Variants in LDLRAP1 observed in about 807,000 individuals in gnomAD.
LDLRAP1 encodes the protein low density lipoprotein receptor adapter protein 1.
LDLRAP1 carries 30 observed loss-of-function variants against 37.8 expected under a neutral mutation model. The ratio of observed to expected loss-of-function variants is 0.79; its 90% confidence interval spans 0.59 to 1.08. The LOEUF (loss-of-function observed/expected upper bound fraction) is 1.08, where lower values mean the gene tolerates loss of function less well. LDLRAP1 is among the 50% of genes least tolerant of loss of function. LDLRAP1 has a pLI of 0.00. For missense variants in LDLRAP1, 375 were observed against 401.6 expected (o/e 0.93, Z 0.57); for synonymous variants, 156 against 169.8 (o/e 0.92, Z 0.63).
At chr1:25,566,709 T>G in intron 8 of LDLRAP1, 139 bp from the exon 9 acceptor site, 5 of 1,019,462 alleles carry the variant, frequency 4.9e-6, no homozygotes, top group Non-Finnish European at 7.3e-6. Context: ...TGATCTGAGG[T>G]TACTCCACCT....
chr1:25,579,408 AG>A, the LDLRAP1 span, among the ~76,000 whole-genome samples: 1 of 152,228 alleles, frequency 6.6e-6, no homozygotes, highest in Non-Finnish European at 1.5e-5. Flanking sequence ...AGGAACTGAT[AG>A]GATTTAGGCA....
At chr1:25,586,425 T>C in the LDLRAP1 span, among the ~76,000 whole-genome samples, 4 of 152,124 alleles carry the variant, frequency 2.6e-5, no homozygotes, top group Non-Finnish European at 5.9e-5. This position sits in a 1 kb window ranked among gnomAD's most constrained non-coding sequence, Gnocchi z 4.3. Context: ...GACACCAGCG[T>C]CCATCAGGGC....
At chr1:25,574,065 G>C in the LDLRAP1 span, among the ~76,000 whole-genome samples, 9 of 152,246 alleles carry the variant, frequency 5.9e-5, no homozygotes, top group Admixed American at 3.9e-4. Flanking sequence ...CTGCACCTGG[G>C]GTGGTCAGAG....
At chr1:25,586,902 C>G in the LDLRAP1 span, among the ~76,000 whole-genome samples, 2 of 152,154 alleles carry the variant, frequency 1.3e-5, no homozygotes, top group African/African-American at 4.8e-5. This position sits in a 1 kb window ranked among gnomAD's most constrained non-coding sequence, Gnocchi z 4.3. Flanking sequence ...TGAGCATGAC[C>G]CCAGCTCCAT....
At position 25,554,501 on chromosome 1, in the gene LDLRAP1, T is replaced by C. The variant is rs1572034775; in HGVS notation, c.232-359T>C. ...GCCTCAGACCCCTCAGCTCAATGGA[T>C]GGAGCAGAGTACTCAGGAGTCATCC... is the stretch of plus-strand genomic sequence containing the variant. On this transcript the variant is annotated intron_variant, in intron 2 of 8. Coordinates refer to ENST00000374338, the MANE Select transcript of LDLRAP1 (RefSeq NM_015627.3). The surrounding 1 kb of genome is among the most constrained non-coding windows in gnomAD (Gnocchi z 5.4). Among the ~76,000 whole-genome samples the C allele has an allele frequency of 6.6e-6, 1 of 152,340 alleles. No homozygotes were observed. Among genetic ancestry groups the C allele is most frequent in the Admixed American group, 6.5e-5 (1 of 15,308 alleles).
intron 4 of LDLRAP1, 74 bp from the exon 5 acceptor site, chr1:25,562,570 C>T: frequency 1.5e-6 from 2 of 1,297,020 alleles, no homozygotes; most frequent in African/African-American, 1.5e-5. Flanking sequence ...CCTGGAGGCC[C>T]CAGCCCTCCA....
the LDLRAP1 span, among the ~76,000 whole-genome samples, chr1:25,579,829 A>C: frequency 1.3e-5 from 2 of 152,108 alleles, no homozygotes; most frequent in Non-Finnish European, 2.9e-5. Flanking sequence ...CACAGCTGCT[A>C]GATTCTCATC....
chr1:25,550,681 G>A (rs984679193), intron 1 of LDLRAP1, among the ~76,000 whole-genome samples: 11 of 152,126 alleles, frequency 7.2e-5, no homozygotes, highest in African/African-American at 2.7e-4. Flanking sequence ...GACTTGCCAT[G>A]TTACCTTGCA....
the LDLRAP1 span, among the ~76,000 whole-genome samples, chr1:25,588,407 C>T: frequency 1.3e-5 from 2 of 152,212 alleles, no homozygotes; most frequent in African/African-American, 4.8e-5. Flanking sequence ...TATTCCATCT[C>T]CTGAGATAAG....
chr1:25,544,948 G>A lies in LDLRAP1; in HGVS notation c.88+1162G>A, dbSNP rs949375700. Among the ~76,000 whole-genome samples, 35 of 152,182 alleles carry A rather than the reference G, an allele frequency of 2.3e-4. No homozygotes were observed. The highest frequency in any genetic ancestry group is 8.4e-4 in the African/African-American group (35 of 41,448). On this transcript the variant is annotated intron_variant, in intron 1 of 8. Coordinates refer to ENST00000374338, the MANE Select transcript of LDLRAP1 (RefSeq NM_015627.3). This position sits in a 1 kb window ranked among gnomAD's most constrained non-coding sequence, Gnocchi z 4.8. ...CAGCGTGTCTGGGCCTAGAGGGCCC[G>A]CCTCCCTCCTCCTCTGGCCCCACTC...
chr1:25,580,654 G>C, the LDLRAP1 span, among the ~76,000 whole-genome samples: 1 of 152,268 alleles, frequency 6.6e-6, no homozygotes, highest in Non-Finnish European at 1.5e-5. Flanking sequence ...GACCACAAGT[G>C]TGAGCCACCA....
intron 4 of LDLRAP1, among the ~76,000 whole-genome samples, chr1:25,562,307 G>C (rs1215297453): frequency 6.6e-6 from 1 of 152,254 alleles, no homozygotes; most frequent in East Asian, 1.9e-4. Context: ...ATTCAGGGAA[G>C]CCCAAAGGGG....
chr1:25,577,680 C>T, the LDLRAP1 span, among the ~76,000 whole-genome samples: 4 of 152,174 alleles, frequency 2.6e-5, no homozygotes, highest in Non-Finnish European at 4.4e-5. Context: ...AGGCACCTGG[C>T]GGGGACAAGA....
chr1:25,561,212 A>G (rs890055855), intron 4 of LDLRAP1, among the ~76,000 whole-genome samples: 1 of 152,222 alleles, frequency 6.6e-6, no homozygotes, highest in African/African-American at 2.4e-5. Context: ...GCAATTCTCA[A>G]TGGTAACTGG....
intron 1 of LDLRAP1, among the ~76,000 whole-genome samples, chr1:25,546,284 A>G (rs565911278): frequency 6.6e-6 from 1 of 152,306 alleles, no homozygotes; most frequent in Non-Finnish European, 1.5e-5. Flanking sequence ...CCCTGCTCTC[A>G]GTTGTGACCT....
rs2044505190 is a variant in LDLRAP1, at chr1:25,567,094, GCC to G, written c.*104_*105del. 1 of 1,416,550 alleles carries G rather than the reference GCC, an allele frequency of 7.1e-7. No homozygotes were observed. The highest frequency in any genetic ancestry group is 2.3e-5 in the East Asian group (1 of 42,630). 87.7% of individuals were successfully genotyped at this position (1,416,550 alleles called of 1,614,324 possible). A position where few individuals can be genotyped will look rare whatever the true frequency, so the allele number is the denominator to read the frequency against. Reference sequence around the variant, plus strand: ...TGGGGCCCGCCTGCCACCTCTCCCAGCCCTCAGCATTGTCAGCCTGAAGATCA... The same window carrying G: ...TGGGGCCCGCCTGCCACCTCTCCCAGCTCAGCATTGTCAGCCTGAAGATCA... On this transcript the variant is annotated 3_prime_UTR_variant, in exon 9 of 9. Coordinates refer to ENST00000374338, the MANE Select transcript of LDLRAP1 (RefSeq NM_015627.3).
intron 3 of LDLRAP1, among the ~76,000 whole-genome samples, chr1:25,556,046 T>C (rs775765213): frequency 2.6e-5 from 4 of 152,068 alleles, no homozygotes; most frequent in African/African-American, 4.8e-5. Context: ...CAGTAACATT[T>C]AGAGCAGGAA....
intron 1 of LDLRAP1, among the ~76,000 whole-genome samples, chr1:25,550,787 C>T (rs898117070): frequency 9.9e-5 from 15 of 152,062 alleles, no homozygotes; most frequent in African/African-American, 3.1e-4. Context: ...TCTGTAAGGA[C>T]GTGGTTAGAG....
At position 25,563,004 on chromosome 1, in the gene LDLRAP1, C is replaced by T. The variant is rs777559161; in HGVS notation, c.533-66C>T. The T allele has an allele frequency of 4.8e-6, 7 of 1,465,372 alleles. No homozygotes were observed. In the South Asian group the frequency reaches 8.0e-5, roughly 17 times the overall value. 90.8% of individuals were successfully genotyped at this position (1,465,372 alleles called of 1,614,324 possible). A position where few individuals can be genotyped will look rare whatever the true frequency, so the allele number is the denominator to read the frequency against. On this transcript the variant is annotated intron_variant, in intron 5 of 8. Coordinates refer to ENST00000374338, the MANE Select transcript of LDLRAP1 (RefSeq NM_015627.3). ...GTTGGCCACCGCTAATCACCCCTGC[C>T]CGGTGATTGCTGGGGACAGAGTGCT...
Sources: gnomAD v4.1 joint callset for allele counts (sites outside exome capture counted in the v4.1 genomes callset) on GRCh38, gnomAD v4.1.1 for gene constraint, Gnocchi (gnomAD v3.1) non-coding constraint, MANE v1.5 for transcripts, NCBI Gene and HGNC (gene_info 2026-07-23, HGNC 2026-07-21) for gene names.